Variants in SYT1 observed in about 807,000 individuals in gnomAD.
The protein encoded by SYT1 is synaptotagmin 1.
Under a neutral mutation model 44.8 loss-of-function variants are expected in SYT1, and 8 were observed. The ratio of observed to expected loss-of-function variants is 0.18; its 90% CI spans 0.10 to 0.32. SYT1 has a LOEUF of 0.32. Among genes scored for constraint, SYT1 ranks in the 10% least tolerant of loss-of-function variants. The pLI, the probability that SYT1 is intolerant of heterozygous loss-of-function variation, is 1.00. For synonymous variants in SYT1, 154 were observed against 188.8 expected, an observed-to-expected ratio of 0.82 and a Z score of 1.51; for missense variants, 286 against 509.3, an observed-to-expected ratio of 0.56 and a Z score of 4.22.
intron 8 of SYT1, among the ~76,000 whole-genome samples, chr12:79,318,245 C>T (rs73352925): frequency 0.013 from 1,958 of 152,172 alleles, 29 homozygotes; most frequent in African/African-American, 0.037. Flanking sequence ...GTTGTGCCTC[C>T]GGAGGGCCTG....
At chr12:79,147,540 T>G (rs1869995925) in intron 3 of SYT1, among the ~76,000 whole-genome samples, 1 of 152,190 alleles carries the variant, frequency 6.6e-6, no homozygotes, top group Non-Finnish European at 1.5e-5. Flanking sequence ...TAACTTAAAT[T>G]TGGACAATTT....
chr12:79,345,093 C>T (rs1357587057), intron 8 of SYT1, among the ~76,000 whole-genome samples: 2 of 152,124 alleles, frequency 1.3e-5, no homozygotes, highest in Non-Finnish European at 1.5e-5. Flanking sequence ...CCGAACCTTC[C>T]TTATCTCAGC....
chr12:79,357,282 C>T (rs1372751307), intron 9 of SYT1, among the ~76,000 whole-genome samples: 3 of 152,182 alleles, frequency 2.0e-5, no homozygotes, highest in Non-Finnish European at 4.4e-5. Context: ...TAGATCCTTG[C>T]ATTTGCATTC....
At chr12:79,297,667 C>A (rs1355838354) in intron 7 of SYT1, among the ~76,000 whole-genome samples, 1 of 152,040 alleles carries the variant, frequency 6.6e-6, no homozygotes, top group Non-Finnish European at 1.5e-5. Flanking sequence ...TCAAACTATA[C>A]ATAAATCCAA....
chr12:79,053,984 A>G (rs1874740463), intron 3 of SYT1, among the ~76,000 whole-genome samples: 1 of 152,090 alleles, frequency 6.6e-6, no homozygotes, highest in Non-Finnish European at 1.5e-5. Context: ...GAGTTGGGAA[A>G]GGAAAGGAAG....
chr12:79,152,015 G>A (rs1198098440), intron 3 of SYT1, among the ~76,000 whole-genome samples: 2 of 152,178 alleles, frequency 1.3e-5, no homozygotes, highest in Non-Finnish European at 2.9e-5. Flanking sequence ...CTGAGGAAGA[G>A]TGAGCACAAA....
At chr12:79,051,918 T>G (rs1345626852) in intron 3 of SYT1, among the ~76,000 whole-genome samples, 1 of 152,154 alleles carries the variant, frequency 6.6e-6, no homozygotes, top group Admixed American at 6.6e-5. Flanking sequence ...CCCTGCTGTT[T>G]CAGTTACTGT....
chr12:78,870,110 C>A (rs936361982), intron 1 of SYT1, among the ~76,000 whole-genome samples: 1 of 152,028 alleles, frequency 6.6e-6, no homozygotes, highest in South Asian at 2.1e-4. Context: ...TGTAAGAATT[C>A]GGTGAAACTA....
intron 3 of SYT1, among the ~76,000 whole-genome samples, chr12:79,149,714 G>A (rs1356642973): frequency 1.3e-5 from 2 of 152,154 alleles, no homozygotes; most frequent in African/African-American, 4.8e-5. Context: ...GGGACTGCTA[G>A]ACTAGATTAT....
chr12:79,253,497 C>G (rs1000454993), intron 4 of SYT1, among the ~76,000 whole-genome samples: 4 of 150,868 alleles, frequency 2.7e-5, no homozygotes, highest in Non-Finnish European at 4.4e-5. Context: ...CTCTCTCTCT[C>G]TCTCTCTCTC....
chr12:78,886,858 G>T (rs1000643843), intron 1 of SYT1, among the ~76,000 whole-genome samples: 3 of 152,066 alleles, frequency 2.0e-5, no homozygotes, highest in Admixed American at 2.0e-4. Flanking sequence ...GCTATATGGG[G>T]TTAAGTCATT....
intron 1 of SYT1, among the ~76,000 whole-genome samples, chr12:78,872,479 C>G (rs1327934189): frequency 6.6e-6 from 1 of 151,714 alleles, no homozygotes; most frequent in South Asian, 2.1e-4. Flanking sequence ...AAGCATATTA[C>G]ACCTCACAGC....
intron 1 of SYT1, among the ~76,000 whole-genome samples, chr12:78,931,234 A>AGAAG (rs1877662336): frequency 7.8e-5 from 4 of 51,430 alleles, no homozygotes; most frequent in South Asian, 8.1e-4. Context: ...AAAGAAAGAA[A>AGAAG]GAAAGAAGGA....
rs201344622 is a variant in SYT1, at chr12:79,060,250, G to A, written c.-18+12888G>A. Among the ~76,000 whole-genome samples the A allele has an allele frequency of 7.9e-5, 12 of 151,720 alleles. No homozygotes were observed. The South Asian group carries it at 1.0e-3, about 13-fold the overall frequency. ...ATCCACGTCCCCAAACAAAACCTAC[G>A]TCCCTGTAACAAAAAGCTTTTATTT... On this transcript the variant is annotated intron_variant, in intron 3 of 10. Transcript: ENST00000261205.
intron 4 of SYT1, among the ~76,000 whole-genome samples, chr12:79,267,991 A>G (rs12314907): frequency 0.056 from 8,496 of 152,238 alleles, 558 homozygotes; most frequent in East Asian, 0.21. Context: ...TGCAGATAAA[A>G]CGTCCTTCAT....
chr12:79,144,493 C>T (rs576238790), intron 3 of SYT1, among the ~76,000 whole-genome samples: 65 of 152,100 alleles, frequency 4.3e-4, no homozygotes, highest in Non-Finnish European at 7.4e-4. Flanking sequence ...TGCAAGGACC[C>T]TTTCCAAGAG....
chr12:78,927,312 A>G (rs1380692943), intron 1 of SYT1, among the ~76,000 whole-genome samples: 4 of 152,226 alleles, frequency 2.6e-5, no homozygotes, highest in East Asian at 3.9e-4. Context: ...ATGAAATCCA[A>G]CCACACATTG....
At chr12:78,946,889 C>T (rs1027022642) in intron 1 of SYT1, among the ~76,000 whole-genome samples, 1 of 151,982 alleles carries the variant, frequency 6.6e-6, no homozygotes, top group Non-Finnish European at 1.5e-5. Context: ...CTAAAATATC[C>T]TAGCTTTGGG....
rs1284771261 is a variant in SYT1 at position 78,895,090 on chromosome 12, C to G, written c.-217+29981C>G. On this transcript the variant is annotated intron_variant, in intron 1 of 10. Coordinates refer to ENST00000261205, the MANE Select transcript of SYT1 (RefSeq NM_005639.3). ...AATTAAAAACTAAAAAAAATTGTGACCAAGCCACTATTTTTGATGTATTCT... is the reference window on the plus strand; with the variant it reads ...AATTAAAAACTAAAAAAAATTGTGAGCAAGCCACTATTTTTGATGTATTCT... Among the ~76,000 whole-genome samples, 5 of 151,400 alleles carry G rather than the reference C, an allele frequency of 3.3e-5. No individual in the cohort carries two copies. In the East Asian group the frequency reaches 9.7e-4, roughly 29 times the overall value.
Sources: gnomAD v4.1 joint callset for allele counts (sites outside exome capture counted in the v4.1 genomes callset) on GRCh38, gnomAD v4.1.1 for gene constraint, MANE v1.5 for transcripts, NCBI Gene and HGNC (gene_info 2026-07-23, HGNC 2026-07-21) for gene names.